NRXN3: variants seen among roughly 807,000 people sequenced by gnomAD.
NRXN3 encodes the protein neurexin III.
In NRXN3, 32 loss-of-function variants were observed where a neutral mutation model predicts 137.6. The observed-to-expected ratio is 0.23, with a 90% confidence interval of 0.18 to 0.31. The LOEUF is 0.31. NRXN3 is among the 10% of genes least tolerant of loss of function. The pLI is 1.00. For missense variants in NRXN3, 1,574 were observed against 2,062.5 expected, an observed-to-expected ratio of 0.76 and a Z score of 4.59; for synonymous variants, 798 against 784.5, an observed-to-expected ratio of 1.02 and a Z score of -0.29.
At chr14:78,344,891 ATTGTTTCCTAGGCCT>A (rs1361968463) in intron 4 of NRXN3, among the ~76,000 whole-genome samples, 1 of 152,158 alleles carries the variant, frequency 6.6e-6, no homozygotes, top group African/African-American at 2.4e-5. Flanking sequence ...AAGCTCCCCA[ATTGTTTCCTAGGCCT>A]TTGAAAGTGT....
intron 2 of NRXN3, among the ~76,000 whole-genome samples, chr14:78,253,128 G>A (rs1450710688): frequency 6.6e-6 from 1 of 152,126 alleles, no homozygotes; most frequent in African/African-American, 2.4e-5. Flanking sequence ...GCTCTGTCTG[G>A]GCCAGAAAAG....
At chr14:79,423,634 T>C (rs1009626694) in intron 15 of NRXN3, among the ~76,000 whole-genome samples, 1 of 152,198 alleles carries the variant, frequency 6.6e-6, no homozygotes, top group Non-Finnish European at 1.5e-5. Context: ...CCCCAGTGTT[T>C]GTCTACTGAA....
intron 15 of NRXN3, among the ~76,000 whole-genome samples, chr14:79,160,684 T>A (rs1337474070): frequency 6.6e-6 from 1 of 151,890 alleles, no homozygotes; most frequent in Non-Finnish European, 1.5e-5. Flanking sequence ...AAAAAACACT[T>A]GCCATCTGCA....
chr14:79,149,227 A>G (rs188193199), intron 15 of NRXN3, among the ~76,000 whole-genome samples: 1 of 152,138 alleles, frequency 6.6e-6, no homozygotes, highest in African/African-American at 2.4e-5. Flanking sequence ...CCAAAGTCCA[A>G]AGGTCAGATC....
chr14:78,725,231 G>A (rs2098477633), intron 8 of NRXN3, among the ~76,000 whole-genome samples: 1 of 152,106 alleles, frequency 6.6e-6, no homozygotes, highest in Admixed American at 6.6e-5. Context: ...GTGGCTCACT[G>A]GTATTTAAAT....
intron 16 of NRXN3, among the ~76,000 whole-genome samples, chr14:79,478,319 T>G (rs747639482): frequency 2.0e-5 from 3 of 151,868 alleles, no homozygotes; most frequent in Non-Finnish European, 4.4e-5. Flanking sequence ...TTTACAGAAA[T>G]CAAAACAAAT....
chr14:79,226,000 C>T (rs1045969404), intron 15 of NRXN3, among the ~76,000 whole-genome samples: 1 of 152,008 alleles, frequency 6.6e-6, no homozygotes, highest in Non-Finnish European at 1.5e-5. Context: ...GATTATCTCC[C>T]TTTCTTCAGG....
chr14:79,708,593 A>G (rs2098790717), intron 19 of NRXN3, among the ~76,000 whole-genome samples: 1 of 151,940 alleles, frequency 6.6e-6, no homozygotes, highest in African/African-American at 2.4e-5. Flanking sequence ...ATCAAGGCGG[A>G]TATTTCCATT....
At chr14:78,554,157 G>A (rs986244410) in intron 4 of NRXN3, among the ~76,000 whole-genome samples, 3 of 152,130 alleles carry the variant, frequency 2.0e-5, no homozygotes, top group Non-Finnish European at 4.4e-5. Flanking sequence ...AATTTTGTTG[G>A]CACTTTGACA....
intron 17 of NRXN3, among the ~76,000 whole-genome samples, chr14:79,680,363 C>T (rs569857925): frequency 6.6e-6 from 1 of 151,688 alleles, no homozygotes; most frequent in African/African-American, 2.4e-5. Flanking sequence ...CCAGCCTGGG[C>T]GATGAGAGTG....
At chr14:79,618,974 T>C (rs1240546534) in intron 16 of NRXN3, among the ~76,000 whole-genome samples, 1 of 152,204 alleles carries the variant, frequency 6.6e-6, no homozygotes, top group Non-Finnish European at 1.5e-5. Flanking sequence ...GATCACTTTT[T>C]CATGTAATTG....
intron 16 of NRXN3, among the ~76,000 whole-genome samples, chr14:79,552,089 A>C (rs986421927): frequency 6.6e-6 from 1 of 152,206 alleles, no homozygotes; most frequent in Admixed American, 6.5e-5. Context: ...TGTTGATAAG[A>C]GTGCTTCAGT....
intron 4 of NRXN3, among the ~76,000 whole-genome samples, chr14:78,388,615 A>G (rs866677755): frequency 2.6e-5 from 4 of 152,144 alleles, no homozygotes. Flanking sequence ...CTTTTGCTCT[A>G]CGATGGTAGA....
At chr14:79,224,633 T>C (rs1293794759) in intron 15 of NRXN3, among the ~76,000 whole-genome samples, 1 of 152,120 alleles carries the variant, frequency 6.6e-6, no homozygotes, top group Admixed American at 6.6e-5. Context: ...TCCTGGAACC[T>C]CAGAATGTGA....
At chr14:79,748,313 G>A (rs2098985948) in intron 19 of NRXN3, among the ~76,000 whole-genome samples, 1 of 152,154 alleles carries the variant, frequency 6.6e-6, no homozygotes, top group South Asian at 2.1e-4. Flanking sequence ...CACTTAGTGA[G>A]TGAGTGTTGT....
At chr14:79,571,016 A>G (rs2097595011) in intron 16 of NRXN3, among the ~76,000 whole-genome samples, 1 of 152,168 alleles carries the variant, frequency 6.6e-6, no homozygotes, top group Admixed American at 6.5e-5. Context: ...AAATTCAGCC[A>G]TATTAGGGGT....
At chr14:79,629,117 A>G (rs931875790) in intron 16 of NRXN3, among the ~76,000 whole-genome samples, 2 of 152,238 alleles carry the variant, frequency 1.3e-5, no homozygotes, top group East Asian at 1.9e-4. Context: ...ATTAATTAGT[A>G]TATTAATCTT....
At chr14:78,361,194 A>T (rs939065862) in intron 4 of NRXN3, among the ~76,000 whole-genome samples, 5 of 152,216 alleles carry the variant, frequency 3.3e-5, no homozygotes, top group African/African-American at 1.2e-4. Context: ...TACCAGTAGC[A>T]TCCAGGTCCC....
chr14:79,531,973 C>T (rs1297654308), intron 16 of NRXN3, among the ~76,000 whole-genome samples: 3 of 152,182 alleles, frequency 2.0e-5, no homozygotes, highest in Non-Finnish European at 4.4e-5. Context: ...ATATCCTTCA[C>T]CTTTATTGCT....
Sources: gnomAD v4.1 joint callset for allele counts (sites outside exome capture counted in the v4.1 genomes callset) on GRCh38, gnomAD v4.1.1 for gene constraint, MANE v1.5 for transcripts, NCBI Gene and HGNC (gene_info 2026-07-23, HGNC 2026-07-21) for gene names.